The following BTBD16 variants were observed in gnomAD, a reference collection of about 807,000 sequenced individuals.
The protein encoded by BTBD16 is BTB domain containing 16, also known as BTB/POZ domain-containing protein 16.
Under a neutral mutation model 67.4 loss-of-function variants are expected in BTBD16, and 66 were observed. That is an observed-to-expected ratio of 0.98 (90% CI 0.80 to 1.20). The LOEUF (loss-of-function observed/expected upper bound fraction) is 1.20, where lower values mean the gene tolerates loss of function less well. BTBD16 is among the 50% of genes most tolerant of loss of function. The pLI is 0.00. For synonymous variants in BTBD16, 242 were observed against 236.4 expected (o/e 1.02, Z -0.22); for missense variants, 634 against 616.0 (o/e 1.03, Z -0.31).
chr10:122,292,720 T>A (rs1477254246), intron 7 of BTBD16, among the ~76,000 whole-genome samples: 1 of 152,236 alleles, frequency 6.6e-6, no homozygotes. Flanking sequence ...AGGGACCAGA[T>A]GGGCAGGATC....
At chr10:122,336,053 C>T (rs2096462812) in intron 14 of BTBD16, among the ~76,000 whole-genome samples, 1 of 152,100 alleles carries the variant, frequency 6.6e-6, no homozygotes, top group South Asian at 2.1e-4. Context: ...CCAGATTTTC[C>T]AGTACCTCAT....
intron 10 of BTBD16, among the ~76,000 whole-genome samples, chr10:122,322,399 G>A (rs2181160): frequency 0.62 from 93,702 of 151,978 alleles, 30,265 homozygotes; most frequent in East Asian, 0.87. Context: ...TGGCTTTATC[G>A]GACATTCTAG....
intron 10 of BTBD16, among the ~76,000 whole-genome samples, chr10:122,315,098 C>G (rs1195561983): frequency 6.6e-6 from 1 of 152,146 alleles, no homozygotes; most frequent in Non-Finnish European, 1.5e-5. Context: ...ATCTTACCAA[C>G]TTTACTAAAT....
At chr10:122,286,288 C>A (rs1434136261) in intron 5 of BTBD16, 40 bp downstream of exon 5, 1 of 1,564,594 alleles carries the variant, frequency 6.4e-7, no homozygotes, top group Non-Finnish European at 8.7e-7. Context: ...GCCCCAGTGC[C>A]CTCTAGCTTG....
At chr10:122,280,335 A>T (rs558238475) in intron 3 of BTBD16, among the ~76,000 whole-genome samples, 3 of 152,262 alleles carry the variant, frequency 2.0e-5, no homozygotes, top group African/African-American at 7.2e-5. Context: ...GGAAACCCAG[A>T]GATCCAGCAC....
intron 10 of BTBD16, among the ~76,000 whole-genome samples, chr10:122,311,825 C>CCTGACCTCTTTTACTA (rs1205490424): frequency 1.3e-5 from 2 of 152,170 alleles, no homozygotes; most frequent in African/African-American, 2.4e-5. Context: ...TAAACAGTAT[C>CCTGACCTCTTTTACTA]CTGACCTCTT....
rs1475003957 is a variant in BTBD16, at chr10:122,302,652, C to T, written c.791+3518C>T. Among the ~76,000 whole-genome samples, 5 of 152,288 alleles carry T rather than the reference C, an allele frequency of 3.3e-5. 1 individual carries two copies. Among genetic ancestry groups the T allele is most frequent in the Admixed American group, 3.3e-4 (5 of 15,302 alleles). The stretch of plus-strand genomic sequence containing the variant: ...AGGTTCCTATGGGTGTCTGGGACAC[C>T]CCTGGGCACCCATCTCAAATATAAT... On this transcript the variant is annotated intron_variant, in intron 9 of 15. Coordinates refer to ENST00000260723, the MANE Select transcript of BTBD16 (RefSeq NM_144587.5).
intron 14 of BTBD16, 112 bp from the exon 15 acceptor site, chr10:122,336,382 C>A: frequency 2.1e-6 from 2 of 946,742 alleles, no homozygotes; most frequent in Non-Finnish European, 3.0e-6. Context: ...GAAATGCCCT[C>A]TTGCTGCCTG....
intron 11 of BTBD16, among the ~76,000 whole-genome samples, 187 bp downstream of exon 11, chr10:122,329,758 T>A (rs2096452157): frequency 6.6e-6 from 1 of 152,196 alleles, no homozygotes. Flanking sequence ...TCCCTGTCTG[T>A]AAAACGAGGG....
At chr10:122,277,303 T>C (rs1424313021) in intron 3 of BTBD16, among the ~76,000 whole-genome samples, 4 of 152,030 alleles carry the variant, frequency 2.6e-5, no homozygotes, top group East Asian at 1.9e-4. Flanking sequence ...AGCTTGTAAA[T>C]GTCCATTTTC....
chr10:122,317,622 G>T (rs1006765053), intron 10 of BTBD16, among the ~76,000 whole-genome samples: 7 of 152,068 alleles, frequency 4.6e-5, no homozygotes, highest in Admixed American at 2.0e-4. Context: ...ACTCCAGCCT[G>T]GGTGACAGAG....
intron 13 of BTBD16, 30 bp downstream of exon 13, chr10:122,332,543 A>G (rs1201391985): frequency 6.3e-7 from 1 of 1,595,778 alleles, no homozygotes; most frequent in African/African-American, 1.3e-5. Context: ...AACAAGGGGA[A>G]GAACTGTTCC....
chr10:122,306,246 A>T (rs944398656), intron 9 of BTBD16, among the ~76,000 whole-genome samples: 1 of 152,232 alleles, frequency 6.6e-6, no homozygotes, highest in East Asian at 1.9e-4. Context: ...GCAAGGAAAC[A>T]ATTCTCCCTT....
At chr10:122,312,707 T>C (rs989579088) in intron 10 of BTBD16, among the ~76,000 whole-genome samples, 1 of 152,234 alleles carries the variant, frequency 6.6e-6, no homozygotes. Context: ...AGCATTTCTT[T>C]ATATATTTGT....
chr10:122,291,469 T>G lies in BTBD16; in HGVS notation c.590+275T>G, dbSNP rs2096373922. The G allele has an allele frequency of 1.1e-5, 4 of 349,994 alleles. No homozygotes were observed. In the East Asian group the frequency reaches 2.1e-4, roughly 18 times the overall value. The allele number at this position is 349,994 out of a possible 1,614,324, so 21.7% of individuals were successfully genotyped here. A position where few individuals can be genotyped will look rare whatever the true frequency, so the allele number is the denominator to read the frequency against. On this transcript the variant is annotated intron_variant, in intron 7 of 15. Transcript: ENST00000260723. ...AGGATTTCTACCACTGGGAGAGACT[T>G]CATGTGTATACACAGTGACTTCCTA...
At chr10:122,313,549 C>T (rs1027424675) in intron 10 of BTBD16, among the ~76,000 whole-genome samples, 22 of 152,222 alleles carry the variant, frequency 1.4e-4, no homozygotes, top group Admixed American at 1.4e-3. Context: ...AGGCATGAGC[C>T]ACTGGGCCTG....
chr10:122,274,705 G>A (rs572718074), intron 1 of BTBD16, among the ~76,000 whole-genome samples: 21 of 152,204 alleles, frequency 1.4e-4, no homozygotes, highest in Admixed American at 1.0e-3. Flanking sequence ...TAGTCTCCTC[G>A]TCTGAATGAT....
intron 3 of BTBD16, among the ~76,000 whole-genome samples, chr10:122,281,649 G>C (rs2096353453): frequency 6.6e-6 from 1 of 152,138 alleles, no homozygotes; most frequent in Admixed American, 6.5e-5. Context: ...GCTAACTGAA[G>C]GCATGTCCTT....
intron 9 of BTBD16, among the ~76,000 whole-genome samples, chr10:122,304,603 G>A (rs1458204236): frequency 6.9e-5 from 10 of 145,156 alleles, no homozygotes; most frequent in Non-Finnish European, 1.3e-4. Flanking sequence ...CGCCCAGGCT[G>A]GAGTGCAGTG....
Sources: allele counts gnomAD v4.1 joint callset (sites outside exome capture counted in the v4.1 genomes callset), GRCh38; gene constraint gnomAD v4.1.1; transcripts MANE v1.5; gene names NCBI Gene and HGNC (gene_info 2026-07-23, HGNC 2026-07-21).